Variants in AHNAK observed in about 807,000 individuals in gnomAD.
The protein encoded by AHNAK is neuroblast differentiation-associated protein AHNAK.
AHNAK carries 23 observed loss-of-function variants against 37.8 expected under a neutral mutation model. The observed-to-expected ratio is 0.61, with a 90% CI of 0.44 to 0.86. The LOEUF (loss-of-function observed/expected upper bound fraction) is 0.86. Ranked by LOEUF, AHNAK falls within the 40% of genes least tolerant of loss-of-function variation. The pLI, the probability that AHNAK is intolerant of heterozygous loss-of-function variation, is 0.00. For synonymous variants in AHNAK, 2,481 were observed against 2,636.3 expected (o/e 0.94, Z 1.80); for missense variants, 7,411 against 7,319.4 (o/e 1.01, Z -0.46).
chr11:62,532,318 G>C lies in AHNAK; in HGVS notation c.2099C>G (p.Pro700Arg). 1.2e-6 allele frequency: 2 copies of C among 1,614,122 alleles called. No individual in the cohort carries two copies. Among genetic ancestry groups the C allele is most frequent in the Non-Finnish European group, 1.7e-6 (2 of 1,180,032 alleles). ...ACCTTTCACGTGCAAATCTACATCA[G>C]GCATGGAGATCTTTGGTGTCTTGAC... ...MSVKTPKISM[P>R]DVDLHVKGTK... The change falls in exon 5 of 5, where the codon CCT becomes CGT. Residue 700 changes from proline (P) to arginine (R), a missense_variant. Physicochemically the swap from Pro to Arg is moderately radical, Grantham distance 103. Coordinates refer to ENST00000378024, the MANE Select transcript of AHNAK (RefSeq NM_001620.3).
Position 62,516,982 on chromosome 11 carries a change from T to A in AHNAK, c.17435A>T (p.Lys5812Ile). The change falls in exon 5 of 5, where the codon AAA becomes ATA. Residue 5812 changes from lysine to isoleucine, a missense_variant. Physicochemically the swap from Lys to Ile is moderately radical, Grantham distance 102. Coordinates refer to ENST00000378024, the MANE Select transcript of AHNAK (RefSeq NM_001620.3). The part of the protein sequence containing the change: ...EGGEVSLEGG[K>I]VKGKHGKLKF... ...CAGCTTCCCGTGTTTCCCTTTAACTTTCCCACCTTCCAGAGACACTTCCCC... is the reference window on the plus strand; with the variant it reads ...CAGCTTCCCGTGTTTCCCTTTAACTATCCCACCTTCCAGAGACACTTCCCC... 1 of 1,614,212 alleles carries A rather than the reference T, an allele frequency of 6.2e-7. No individual in the cohort carries two copies. The highest frequency in any genetic ancestry group is 8.5e-7 in the Non-Finnish European group (1 of 1,180,032).
Position 62,517,033 on chromosome 11 carries a change from G to C in AHNAK, c.17384C>G (p.Pro5795Arg). The change falls in exon 5 of 5, where the codon CCG becomes CGG. Residue 5795 changes from proline (P) to arginine (R), a missense_variant. Pro to Arg is a moderately radical substitution (Grantham distance 103). Coordinates refer to ENST00000378024, the MANE Select transcript of AHNAK (RefSeq NM_001620.3). ...DEREFSGPST[P>R]TGTLEFEGGE... ...ACCTTCAAACTCCAGCGTCCCCGTC[G>C]GGGTGGAAGGTCCAGAGAACTCTCT... 6.2e-7 allele frequency: 1 copy of C among 1,614,140 alleles called. No individual in the cohort carries two copies. The highest frequency in any genetic ancestry group is 8.5e-7 in the Non-Finnish European group (1 of 1,180,010).
rs1372932579 is a variant in AHNAK, at chr11:62,525,205, T to C, written c.9212A>G (p.Glu3071Gly). ...DVPDVNIEGP[E>G]GKLKGPKFKM... ...GAATTTGGGACCTTTCAACTTTCCC[T>C]CTGGGCCTTCGATATTCACATCTGG... The change falls in exon 5 of 5, where the codon GAG (glutamate) becomes GGG (glycine). Residue 3071 changes from glutamate to glycine, a missense_variant. Coordinates refer to ENST00000378024, the MANE Select transcript of AHNAK (RefSeq NM_001620.3). The C allele has an allele frequency of 6.2e-7, 1 of 1,611,910 alleles. No homozygotes were observed. Among genetic ancestry groups the C allele is most frequent in the Non-Finnish European group, 8.5e-7 (1 of 1,179,510 alleles).
intron 5 of AHNAK, among the ~76,000 whole-genome samples, chr11:62,471,542 G>A (rs567865229): frequency 5.7e-4 from 87 of 152,334 alleles, no homozygotes; most frequent in Non-Finnish European, 1.1e-3. Context: ...TGTCACATGA[G>A]GTCAGGTGTG....
rs2134224278 is a variant in AHNAK, at chr11:62,527,409, C to A, written c.7008G>T (p.Lys2336Asn). The A allele has an allele frequency of 6.2e-7, 1 of 1,614,204 alleles. No homozygotes were observed. Among genetic ancestry groups the A allele is most frequent in the African/African-American group, 1.3e-5 (1 of 75,058 alleles). The change falls in exon 5 of 5, where the codon AAG (lysine) becomes AAT (asparagine). Residue 2336 changes from lysine (K) to asparagine (N), a missense_variant. Physicochemically the swap from Lys to Asn is moderately conservative, Grantham distance 94. Transcript: ENST00000378024. Reference protein sequence around the residue: ...IKGDVDVSAPKLEGELKGPEL... With the variant: ...IKGDVDVSAPNLEGELKGPEL... Reference sequence around the variant, plus strand: ...CTGGACCTTTTAACTCTCCCTCCAGCTTTGGGGCAGAAACATCAACATCTC... The same window carrying A: ...CTGGACCTTTTAACTCTCCCTCCAGATTTGGGGCAGAAACATCAACATCTC...
chr11:62,479,582 A>G (rs544785232), intron 5 of AHNAK, among the ~76,000 whole-genome samples: 1 of 152,182 alleles, frequency 6.6e-6, no homozygotes, highest in East Asian at 1.9e-4. Context: ...TCTTGGGTAC[A>G]AGGAGGGTGG....
At chr11:62,475,101 G>A (rs2134856570) in intron 5 of AHNAK, among the ~76,000 whole-genome samples, 1 of 152,240 alleles carries the variant, frequency 6.6e-6, no homozygotes, top group Non-Finnish European at 1.5e-5. Flanking sequence ...TCAGGAGTTC[G>A]AGACCAACCT....
chr11:62,517,447 G>A lies in AHNAK; in HGVS notation c.16970C>T (p.Thr5657Ile), dbSNP rs756071881. 3.1e-6 allele frequency: 5 copies of A among 1,614,160 alleles called. No homozygotes were observed. Among genetic ancestry groups the A allele is most frequent in the Non-Finnish European group, 4.2e-6 (5 of 1,180,036 alleles). ...TTTGGGGATCTTCATTTTAGGGAAT[G>A]TTACTTTTCCAGATCCACTTTCCAA... ...GHLESGSGKV[T>I]FPKMKIPKFT... The change falls in exon 5 of 5, where the codon ACA (threonine) becomes ATA (isoleucine). Residue 5657 changes from threonine (T) to isoleucine (I), a missense_variant. Thr to Ile is a moderately conservative substitution (Grantham distance 89). Coordinates refer to ENST00000378024, the MANE Select transcript of AHNAK (RefSeq NM_001620.3).
Position 62,520,421 on chromosome 11 carries a change from T to C in AHNAK, c.13996A>G (p.Lys4666Glu). Residue 4666 changes from lysine (K) to glutamate (E), a missense_variant, in exon 5 of 5, where the codon AAA becomes GAA. By Grantham distance (56) the Lys-to-Glu change is moderately conservative. Coordinates refer to ENST00000378024, the MANE Select transcript of AHNAK (RefSeq NM_001620.3). ...ACATCCACATCTGGGCCCTCTCCTTTGAAGCCAGGCATGCTGAACTTGGGC... is the reference window on the plus strand; with the variant it reads ...ACATCCACATCTGGGCCCTCTCCTTCGAAGCCAGGCATGCTGAACTTGGGC... ...KMPKFSMPGF[K>E]GEGPDVDVNL... 1.9e-6 allele frequency: 3 copies of C among 1,613,948 alleles called. No homozygotes were observed. The highest frequency in any genetic ancestry group is 2.5e-6 in the Non-Finnish European group (3 of 1,179,998).
Position 62,518,167 on chromosome 11 carries a change from C to G in AHNAK, c.16250G>C (p.Gly5417Ala). The G allele has an allele frequency of 6.2e-7, 1 of 1,614,154 alleles. No homozygotes were observed. Among genetic ancestry groups the G allele is most frequent in the Non-Finnish European group, 8.5e-7 (1 of 1,180,038 alleles). ...KLPQFGISTP[G>A]SDLHVNAKGP... is the part of the protein sequence containing the mutation. The stretch of plus-strand genomic sequence containing the variant: ...CTTGGCATTGACGTGCAAGTCGGAC[C>G]CCGGAGTAGAGATGCCAAATTGGGG... The change falls in exon 5 of 5, where the codon GGG becomes GCG. Residue 5417 changes from glycine (G) to alanine (A), a missense_variant. Physicochemically the swap from Gly to Ala is moderately conservative, Grantham distance 60 (BLOSUM62 0). Transcript: ENST00000378024.
At chr11:62,501,675 T>C (rs1939715019) in intron 4 of AHNAK, among the ~76,000 whole-genome samples, 1 of 152,272 alleles carries the variant, frequency 6.6e-6, no homozygotes, top group South Asian at 2.1e-4. Flanking sequence ...AATACTCTAC[T>C]GCGCTCACAT....
chr11:62,529,004 C>G lies in AHNAK; in HGVS notation c.5413G>C (p.Glu1805Gln), dbSNP rs200235606. 1.9e-5 allele frequency: 30 copies of G among 1,614,040 alleles called. No homozygotes were observed. Among genetic ancestry groups the G allele is most frequent in the Non-Finnish European group, 2.5e-5 (30 of 1,180,044 alleles). Residue 1805 changes from glutamate to glutamine, a missense_variant, in exon 5 of 5, where the codon GAA becomes CAA. Glu to Gln is a conservative substitution (Grantham distance 29). Transcript: ENST00000378024. ...LKGEIDASVP[E>Q]LEGDLRGPQV... ...GGCCCTCTGAGATCACCTTCCAGTT[C>G]TGGCACAGAAGCATCTATCTCTCCC...
At position 62,526,001 on chromosome 11, in the gene AHNAK, A is replaced by G; in HGVS notation, c.8416T>C (p.Cys2806Arg). Residue 2806 changes from cysteine (C) to arginine (R), a missense_variant, in exon 5 of 5, where the codon TGT becomes CGT. Cys to Arg is a radical substitution (Grantham distance 180). Transcript: ENST00000378024. ...GGTCCTTCGATATTCACATCGGGAC[A>G]TTCAACATCCACTTTCGGTCCTGAG... ...DVSGPKVDVECPDVNIEGPEG... is the reference protein window; with the variant it reads ...DVSGPKVDVERPDVNIEGPEG... 6.2e-7 allele frequency: 1 copy of G among 1,611,942 alleles called. No individual in the cohort carries two copies. The highest frequency in any genetic ancestry group is 8.5e-7 in the Non-Finnish European group (1 of 1,179,326).
intron 1 of AHNAK, among the ~76,000 whole-genome samples, chr11:62,537,686 C>CT (rs1276472412): frequency 0.029 from 4,063 of 142,376 alleles, 192 homozygotes; most frequent in African/African-American, 0.094. Context: ...TCTGTAACTC[C>CT]TTTTTTTTTT....
intron 4 of AHNAK, among the ~76,000 whole-genome samples, chr11:62,502,970 G>T (rs1169619188): frequency 6.6e-6 from 1 of 152,164 alleles, no homozygotes; most frequent in African/African-American, 2.4e-5. Flanking sequence ...TGTAGTGTTC[G>T]GAGCCACCTC....
intron 5 of AHNAK, among the ~76,000 whole-genome samples, chr11:62,446,443 G>T (rs550177914): frequency 6.6e-6 from 1 of 152,140 alleles, no homozygotes; most frequent in Non-Finnish European, 1.5e-5. Context: ...GGTTCCGTTC[G>T]TCCAAACAAG....
rs1426652809 is a variant in AHNAK at position 62,518,095 on chromosome 11, T to C, written c.16322A>G (p.Asn5441Ser). The C allele has an allele frequency of 1.9e-6, 3 of 1,614,166 alleles. No individual in the cohort carries two copies. The highest frequency in any genetic ancestry group is 2.5e-6 in the Non-Finnish European group (3 of 1,180,032). The change falls in exon 5 of 5, where the codon AAC becomes AGC. Residue 5441 changes from asparagine (N) to serine (S), a missense_variant. Asn to Ser is a conservative substitution (Grantham distance 46, BLOSUM62 1). Coordinates refer to ENST00000378024, the MANE Select transcript of AHNAK (RefSeq NM_001620.3). ...TGCTGAAATCCGAGGCCCTTTCAGG[T>C]TCACATCCACACCTGGCCCCTTCAG... ...GELKGPGVDV[N>S]LKGPRISAPN...
At chr11:62,502,132 A>G (rs1939723341) in intron 4 of AHNAK, among the ~76,000 whole-genome samples, 1 of 151,794 alleles carries the variant, frequency 6.6e-6, no homozygotes, top group Non-Finnish European at 1.5e-5. Context: ...CGTTCTTGCC[A>G]CCCCACCTTT....
At chr11:62,495,016 A>G (rs897304857) in intron 4 of AHNAK, among the ~76,000 whole-genome samples, 1 of 151,548 alleles carries the variant, frequency 6.6e-6, no homozygotes, top group East Asian at 1.9e-4. Context: ...AAAAAAAAAA[A>G]GTAGCCAGGC....
Sources: gnomAD v4.1 joint callset for allele counts (sites outside exome capture counted in the v4.1 genomes callset) on GRCh38, gnomAD v4.1.1 for gene constraint, MANE v1.5 for transcripts, NCBI Gene and HGNC (gene_info 2026-07-23, HGNC 2026-07-21) for gene names.